Variants in CLHC1 observed in about 807,000 individuals in gnomAD.
The protein encoded by CLHC1 is clathrin heavy chain linker domain containing 1.
Under a neutral mutation model 69.5 loss-of-function variants are expected in CLHC1, and 72 were observed. That is an observed-to-expected ratio of 1.04 (90% CI 0.86 to 1.26). The LOEUF (loss-of-function observed/expected upper bound fraction) is 1.26. Ranked by LOEUF, CLHC1 falls within the 50% of genes most tolerant of loss-of-function variation. The pLI is 0.00. For synonymous variants in CLHC1, 223 were observed against 224.3 expected (o/e 0.99, Z 0.05); for missense variants, 790 against 679.3 (o/e 1.16, Z -1.81).
At chr2:55,230,976 G>A (rs756184316) in intron 1 of CLHC1, among the ~76,000 whole-genome samples, 1 of 152,158 alleles carries the variant, frequency 6.6e-6, no homozygotes, top group Admixed American at 6.5e-5. Context: ...GAGGCAGGGC[G>A]TGGTGGCTCA....
intron 9 of CLHC1, among the ~76,000 whole-genome samples, chr2:55,198,547 T>C (rs1671642021): frequency 6.6e-6 from 1 of 152,084 alleles, no homozygotes; most frequent in South Asian, 2.1e-4. Flanking sequence ...ATCACACCAC[T>C]GCACGTGAGC....
intron 4 of CLHC1, 107 bp downstream of exon 4, chr2:55,217,704 A>C: frequency 1.6e-6 from 1 of 609,594 alleles, no homozygotes; most frequent in Non-Finnish European, 2.6e-6. Context: ...CATTTAAATA[A>C]AATTGAAATT....
intron 3 of CLHC1, among the ~76,000 whole-genome samples, chr2:55,220,024 T>C (rs1368546551): frequency 6.6e-6 from 1 of 152,190 alleles, no homozygotes; most frequent in African/African-American, 2.4e-5. Context: ...CATGAGCTAC[T>C]ACACCTAGCC....
chr2:55,183,559 T>C (rs951934383), intron 9 of CLHC1, among the ~76,000 whole-genome samples: 2 of 152,192 alleles, frequency 1.3e-5, no homozygotes, highest in Admixed American at 6.5e-5. Flanking sequence ...ATGAAATGTA[T>C]GGATTTTCAC....
chr2:55,212,555 C>A, intron 5 of CLHC1, 118 bp downstream of exon 5: 1 of 782,888 alleles, frequency 1.3e-6, no homozygotes, highest in Non-Finnish European at 2.1e-6. Context: ...ATTATGTGTA[C>A]AACACACACA....
intron 9 of CLHC1, among the ~76,000 whole-genome samples, chr2:55,186,919 G>C (rs774896093): frequency 2.0e-5 from 3 of 152,054 alleles, no homozygotes; most frequent in Non-Finnish European, 4.4e-5. Flanking sequence ...CTACAAATTA[G>C]TGGAGAAAGT....
At chr2:55,229,644 T>G (rs1292755336) in intron 1 of CLHC1, among the ~76,000 whole-genome samples, 1 of 152,240 alleles carries the variant, frequency 6.6e-6, no homozygotes, top group Non-Finnish European at 1.5e-5. Flanking sequence ...GGAGCAACAC[T>G]GGACTGTGGC....
chr2:55,208,804 G>T, intron 7 of CLHC1, 94 bp from the exon 8 acceptor site: 1 of 766,766 alleles, frequency 1.3e-6, no homozygotes, highest in Non-Finnish European at 2.2e-6. Context: ...ACAGCTTATT[G>T]CTATGGCTCC....
At position 55,173,683 on chromosome 2, in the gene CLHC1, A is replaced by G. The variant is rs1161724517; in HGVS notation, c.*2107T>C. Among the ~76,000 whole-genome samples, 1 of 152,196 alleles carries G rather than the reference A, an allele frequency of 6.6e-6. No homozygotes were observed. Among genetic ancestry groups the G allele is most frequent in the African/African-American group, 2.4e-5 (1 of 41,452 alleles). ...AGCTTCAAAGCCCTCTGTAGCTCAC[A>G]ACTCAATTCTTTCTCCTTCCTCATT... is the stretch of plus-strand genomic sequence containing the variant. On this transcript the variant is annotated 3_prime_UTR_variant, in exon 13 of 13. Transcript: ENST00000401408.
chr2:55,222,918 CAAAAAAA>C (rs59113625), intron 2 of CLHC1, among the ~76,000 whole-genome samples: 4 of 68,568 alleles, frequency 5.8e-5, no homozygotes, highest in African/African-American at 1.7e-4. Context: ...GAAACTGTCT[CAAAAAAA>C]AAAAAAAAAA....
At chr2:55,226,142 A>C (rs1433655767) in intron 2 of CLHC1, among the ~76,000 whole-genome samples, 7 of 151,450 alleles carry the variant, frequency 4.6e-5, no homozygotes, top group Admixed American at 4.6e-4. Context: ...CAGTGAGCCA[A>C]GATCGCACCA....
intron 2 of CLHC1, among the ~76,000 whole-genome samples, chr2:55,227,304 C>T (rs1333647057): frequency 6.6e-6 from 1 of 151,474 alleles, no homozygotes; most frequent in Non-Finnish European, 1.5e-5. Context: ...GCTAGGAATT[C>T]GGCAATAAGT....
chr2:55,206,542 C>T (rs1672467422), intron 8 of CLHC1, among the ~76,000 whole-genome samples, 166 bp from the exon 9 acceptor site: 1 of 152,078 alleles, frequency 6.6e-6, no homozygotes, highest in Non-Finnish European at 1.5e-5. Flanking sequence ...TAAGATGTTC[C>T]TTGAAATCCT....
chr2:55,193,517 G>A (rs1198033060), intron 9 of CLHC1, among the ~76,000 whole-genome samples: 1 of 151,956 alleles, frequency 6.6e-6, no homozygotes, highest in Non-Finnish European at 1.5e-5. Context: ...CATACAAATG[G>A]CCAAGAGACA....
chr2:55,218,099 C>A, intron 3 of CLHC1, 101 bp from the exon 4 acceptor site: 2 of 574,258 alleles, frequency 3.5e-6, no homozygotes, highest in Non-Finnish European at 5.5e-6. Context: ...AAAAATGAAA[C>A]ATGATTAGCA....
intron 11 of CLHC1, 50 bp downstream of exon 11, chr2:55,180,460 A>G (rs772278181): frequency 7.2e-7 from 1 of 1,392,986 alleles, no homozygotes; most frequent in Non-Finnish European, 1.0e-6. Flanking sequence ...TAATCTTACA[A>G]TTAAAGCCCA....
chr2:55,200,241 A>AC (rs1424737090), intron 9 of CLHC1, among the ~76,000 whole-genome samples: 1 of 140,362 alleles, frequency 7.1e-6, no homozygotes, highest in Non-Finnish European at 1.5e-5. Context: ...AAAAAAAAAA[A>AC]AAAACAGTGG....
At chr2:55,211,502 C>CA (rs35216255) in intron 5 of CLHC1, among the ~76,000 whole-genome samples, 217 of 82,204 alleles carry the variant, frequency 2.6e-3, no homozygotes, top group African/African-American at 3.8e-3. Flanking sequence ...ACTATGTCTC[C>CA]AAAAAAAAAA....
intron 3 of CLHC1, among the ~76,000 whole-genome samples, chr2:55,221,754 G>C (rs1573770117): frequency 6.6e-6 from 1 of 152,186 alleles, no homozygotes; most frequent in Non-Finnish European, 1.5e-5. Context: ...AAGATAGGAG[G>C]ATTGCTTGAG....
Sources: allele counts gnomAD v4.1 joint callset (sites outside exome capture counted in the v4.1 genomes callset), GRCh38; gene constraint gnomAD v4.1.1; transcripts MANE v1.5; gene names NCBI Gene and HGNC (gene_info 2026-07-23, HGNC 2026-07-21).